Variants in CAPZB observed in about 807,000 individuals in gnomAD.
CAPZB encodes the protein capping actin protein of muscle Z-line subunit beta, also known as F-actin-capping protein subunit beta.
CAPZB carries 2 observed loss-of-function variants against 38.1 expected under a neutral mutation model. That is an observed-to-expected ratio of 0.05 (90% CI 0.02 to 0.17). CAPZB has a LOEUF of 0.17. CAPZB is among the 10% of genes least tolerant of loss of function. The pLI is 1.00. For missense variants in CAPZB, 161 were observed against 334.2 expected (o/e 0.48, Z 4.04); for synonymous variants, 107 against 127.4 (o/e 0.84, Z 1.08).
At chr1:19,469,379 C>T (rs570030527) in intron 1 of CAPZB, among the ~76,000 whole-genome samples, 1 of 152,232 alleles carries the variant, frequency 6.6e-6, no homozygotes, top group African/African-American at 2.4e-5. Flanking sequence ...AGTTTCCTTC[C>T]TAAATAATTT....
At chr1:19,389,487 G>T (rs1378564722) in intron 2 of CAPZB, among the ~76,000 whole-genome samples, 1 of 152,072 alleles carries the variant, frequency 6.6e-6, no homozygotes, top group Non-Finnish European at 1.5e-5. Context: ...GAGTGCAGTG[G>T]CGCGATCTCG....
At chr1:19,478,886 C>T (rs935752594) in intron 1 of CAPZB, among the ~76,000 whole-genome samples, 1 of 152,198 alleles carries the variant, frequency 6.6e-6, no homozygotes, top group African/African-American at 2.4e-5. Flanking sequence ...CCTCGTAGGG[C>T]TGGCTGGAAT....
intron 1 of CAPZB, among the ~76,000 whole-genome samples, chr1:19,443,608 A>ATTGTTG (rs61437002): frequency 5.3e-5 from 8 of 151,800 alleles, no homozygotes; most frequent in East Asian, 1.9e-4. Context: ...TGCTTAAGTT[A>ATTGTTG]TTGTTGTTGT....
intron 6 of CAPZB, among the ~76,000 whole-genome samples, chr1:19,350,209 G>A (rs1286693471): frequency 6.6e-6 from 1 of 152,278 alleles, no homozygotes; most frequent in Non-Finnish European, 1.5e-5. Context: ...GTGGCCCTAA[G>A]GCATGGGCCC....
chr1:19,347,817 A>C (rs776393635), intron 6 of CAPZB, among the ~76,000 whole-genome samples: 5 of 152,132 alleles, frequency 3.3e-5, no homozygotes, highest in Non-Finnish European at 5.9e-5. Context: ...ACCCTGTTTT[A>C]AACCCAAGGA....
At chr1:19,375,784 T>C (rs1199764559) in intron 4 of CAPZB, among the ~76,000 whole-genome samples, 1 of 152,264 alleles carries the variant, frequency 6.6e-6, no homozygotes, top group Non-Finnish European at 1.5e-5. Context: ...TGTGGTTTTC[T>C]AGCTGTGTTA....
chr1:19,404,260 A>C (rs2094319060), intron 2 of CAPZB, among the ~76,000 whole-genome samples: 1 of 98,536 alleles, frequency 1.0e-5, no homozygotes, highest in African/African-American at 3.9e-5. Context: ...AAAAAAAAAT[A>C]TGGCTGGGCG....
chr1:19,375,550 C>T (rs754193150), intron 4 of CAPZB, among the ~76,000 whole-genome samples: 10 of 152,260 alleles, frequency 6.6e-5, no homozygotes, highest in Admixed American at 3.9e-4. Context: ...TGCAGACCCT[C>T]GGGGTCTGGG....
intron 2 of CAPZB, among the ~76,000 whole-genome samples, chr1:19,392,940 G>A (rs182006805): frequency 1.3e-5 from 2 of 152,352 alleles, no homozygotes; most frequent in Admixed American, 1.3e-4. Flanking sequence ...TCCAGGTCAG[G>A]ATCCCTTCAG....
At chr1:19,443,688 CACTGTGTCAGGT>C (rs1342791977) in intron 1 of CAPZB, among the ~76,000 whole-genome samples, 2 of 152,194 alleles carry the variant, frequency 1.3e-5, no homozygotes, top group Non-Finnish European at 2.9e-5. Flanking sequence ...GTGTGCCAGG[CACTGTGTCAGGT>C]ACTTTACAAA....
chr1:19,472,818 C>T (rs1007869551), intron 1 of CAPZB, among the ~76,000 whole-genome samples: 6 of 148,190 alleles, frequency 4.0e-5, no homozygotes, highest in Non-Finnish European at 5.9e-5. Context: ...CCTGGGTTCA[C>T]GCCATTCTCC....
At chr1:19,436,892 C>T (rs1029407393) in intron 1 of CAPZB, among the ~76,000 whole-genome samples, 6 of 152,226 alleles carry the variant, frequency 3.9e-5, no homozygotes, top group Non-Finnish European at 5.9e-5. Flanking sequence ...CTCCAGAAAA[C>T]AGTGCTGGAC....
intron 2 of CAPZB, among the ~76,000 whole-genome samples, chr1:19,399,704 C>T (rs1423289770): frequency 6.6e-6 from 1 of 152,158 alleles, no homozygotes; most frequent in East Asian, 1.9e-4. Context: ...GGCCTACCAC[C>T]TTCTACCTGG....
At chr1:19,403,713 A>G (rs2094315364) in intron 2 of CAPZB, among the ~76,000 whole-genome samples, 1 of 152,264 alleles carries the variant, frequency 6.6e-6, no homozygotes, top group Non-Finnish European at 1.5e-5. Flanking sequence ...AGGGAGGAGC[A>G]GTAGCAATAA....
At chr1:19,417,851 AT>A (rs1461962847) in intron 2 of CAPZB, among the ~76,000 whole-genome samples, 2 of 152,118 alleles carry the variant, frequency 1.3e-5, no homozygotes, top group Non-Finnish European at 2.9e-5. Context: ...AAATCAGGAT[AT>A]TCTGCTGGGC....
At chr1:19,474,015 A>G (rs1350550181) in intron 1 of CAPZB, among the ~76,000 whole-genome samples, 1 of 149,792 alleles carries the variant, frequency 6.7e-6, no homozygotes, top group African/African-American at 2.5e-5. Flanking sequence ...TTTTTTTTTG[A>G]GACAGGGTCT....
intron 2 of CAPZB, among the ~76,000 whole-genome samples, chr1:19,388,048 C>A (rs1024697198): frequency 5.3e-5 from 8 of 152,210 alleles, no homozygotes; most frequent in Admixed American, 1.3e-4. Context: ...CACCCCAGTT[C>A]CACCTGGAGC....
rs557836082 is a variant in CAPZB at position 19,339,236 on chromosome 1, C to T, written c.*294G>A. 1.9e-5 allele frequency: 8 copies of T among 416,120 alleles called. No homozygotes were observed. The East Asian group carries it at 3.0e-4, about 16-fold the overall frequency. The allele number at this position is 416,120 out of a possible 1,614,324, so 25.8% of individuals were successfully genotyped here. A position where few individuals can be genotyped will look rare whatever the true frequency, so the allele number is the denominator to read the frequency against. ...GGCTGGCAGACAGTGGATTTTATGC[C>T]TATAAATGGGGGGACAGGGAGGAAG... On this transcript the variant is annotated 3_prime_UTR_variant, in exon 9 of 9. Coordinates refer to ENST00000264202, the MANE Select transcript of CAPZB (RefSeq NM_004930.5).
At chr1:19,442,701 A>G (rs900587908) in intron 1 of CAPZB, among the ~76,000 whole-genome samples, 1 of 152,150 alleles carries the variant, frequency 6.6e-6, no homozygotes, top group Non-Finnish European at 1.5e-5. Flanking sequence ...GCTGCTCTGA[A>G]GGACTGAAAA....
Sources: allele counts gnomAD v4.1 joint callset (sites outside exome capture counted in the v4.1 genomes callset), GRCh38; gene constraint gnomAD v4.1.1; transcripts MANE v1.5; gene names NCBI Gene and HGNC (gene_info 2026-07-23, HGNC 2026-07-21).